ATP9B: variants seen among roughly 807,000 people sequenced by gnomAD.
ATP9B encodes ATPase phospholipid transporting 9B.
ATP9B carries 110 observed loss-of-function variants against 146.1 expected under a neutral mutation model. That is an observed-to-expected ratio of 0.75 (90% CI 0.65 to 0.88). The LOEUF (loss-of-function observed/expected upper bound fraction) is 0.88, where lower values mean the gene tolerates loss of function less well. Ranked by LOEUF, ATP9B falls within the 40% of genes least tolerant of loss-of-function variation. ATP9B has a pLI of 0.00. For synonymous variants in ATP9B, 604 were observed against 569.7 expected, an observed-to-expected ratio of 1.06 and a Z score of -0.86; for missense variants, 1,499 against 1,496.4, an observed-to-expected ratio of 1.00 and a Z score of -0.03.
intron 29 of ATP9B, chr18:79,376,053 TG>T: frequency 5.1e-6 from 5 of 985,134 alleles, no homozygotes; most frequent in Non-Finnish European, 6.0e-6. Flanking sequence ...GAACATTCTC[TG>T]GGTGGGCCGG....
intron 11 of ATP9B, among the ~76,000 whole-genome samples, chr18:79,220,359 G>A (rs1243730530): frequency 2.0e-5 from 3 of 152,102 alleles, no homozygotes; most frequent in Non-Finnish European, 2.9e-5. Context: ...CTAACATTTA[G>A]GGAGGCTGAG....
chr18:79,275,444 T>C (rs767003365), intron 12 of ATP9B, among the ~76,000 whole-genome samples: 5 of 152,252 alleles, frequency 3.3e-5, no homozygotes, highest in Non-Finnish European at 5.9e-5. Context: ...CCTAAACTCA[T>C]GTGGAACAGC....
chr18:79,365,491 C>T (rs1188248153), intron 26 of ATP9B, among the ~76,000 whole-genome samples: 2 of 152,242 alleles, frequency 1.3e-5, no homozygotes, highest in East Asian at 3.8e-4. Context: ...ACCCAGTAGT[C>T]CTGTTCCTAG....
At chr18:79,174,144 C>G in intron 7 of ATP9B, 1 of 411,088 alleles carries the variant, frequency 2.4e-6, no homozygotes, top group Non-Finnish European at 4.8e-6. Context: ...TCTGCTCTAT[C>G]TTTCTGGAAG....
At chr18:79,328,959 T>C (rs1204998000) in intron 15 of ATP9B, among the ~76,000 whole-genome samples, 182 bp from the exon 16 acceptor site, 3 of 152,224 alleles carry the variant, frequency 2.0e-5, no homozygotes, top group Non-Finnish European at 4.4e-5. Context: ...TTGCTTAGGA[T>C]TCCTCTAGAA....
intron 13 of ATP9B, 163 bp downstream of exon 13, chr18:79,277,359 T>C (rs2096323564): frequency 1.3e-6 from 1 of 761,524 alleles, no homozygotes; most frequent in African/African-American, 1.8e-5. Flanking sequence ...CTCTTGAAAC[T>C]GTCACACAGC....
chr18:79,346,298 C>T (rs2096887029), intron 23 of ATP9B, among the ~76,000 whole-genome samples: 1 of 150,166 alleles, frequency 6.7e-6, no homozygotes, highest in South Asian at 2.1e-4. Flanking sequence ...ATGCTCAGCA[C>T]ACACTTGGCA....
intron 11 of ATP9B, among the ~76,000 whole-genome samples, chr18:79,226,652 C>T (rs941995620): frequency 1.3e-5 from 2 of 152,214 alleles, no homozygotes; most frequent in African/African-American, 4.8e-5. Context: ...TCCTTTGCCC[C>T]ATGCTGCTCA....
intron 17 of ATP9B, among the ~76,000 whole-genome samples, chr18:79,330,957 A>G (rs950639100): frequency 6.6e-5 from 10 of 152,258 alleles, no homozygotes; most frequent in African/African-American, 2.2e-4. Context: ...TAATTTGTGC[A>G]TAAGGTTCAC....
intron 1 of ATP9B, among the ~76,000 whole-genome samples, chr18:79,092,832 G>C (rs1174593778): frequency 2.0e-5 from 3 of 151,838 alleles, no homozygotes; most frequent in Non-Finnish European, 4.4e-5. Context: ...TGAAGGACCT[G>C]TCTGAGGCTG....
intron 9 of ATP9B, among the ~76,000 whole-genome samples, chr18:79,202,889 C>A (rs540100842): frequency 6.6e-6 from 1 of 152,178 alleles, no homozygotes; most frequent in Admixed American, 6.5e-5. Context: ...TTATATAGAA[C>A]CTTTTGTTTA....
intron 1 of ATP9B, among the ~76,000 whole-genome samples, chr18:79,074,612 C>T (rs2072379183): frequency 6.6e-6 from 1 of 152,234 alleles, no homozygotes; most frequent in Non-Finnish European, 1.5e-5. Flanking sequence ...CCCCTTACTG[C>T]TACTGCCCAG....
Position 79,345,420 on chromosome 18 carries a change from T to C in ATP9B, c.2473-8T>C. 6.2e-7 allele frequency: 1 copy of C among 1,612,788 alleles called. No individual in the cohort carries two copies. Reference sequence around the variant, plus strand: ...ATAAGGCAAAATAACACAGGCTTTGTTTTCCAGGTTTGTCTAAAGTACTAC... The same window carrying C: ...ATAAGGCAAAATAACACAGGCTTTGCTTTCCAGGTTTGTCTAAAGTACTAC... On this transcript the variant is annotated splice_polypyrimidine_tract_variant and splice_region_variant and intron_variant, in intron 21 of 29. Transcript: ENST00000426216.
At chr18:79,257,537 C>T (rs1202069826) in intron 12 of ATP9B, among the ~76,000 whole-genome samples, 1 of 152,216 alleles carries the variant, frequency 6.6e-6, no homozygotes, top group Non-Finnish European at 1.5e-5. Context: ...TGCAGGGCTT[C>T]AGAGCAATGT....
chr18:79,116,939 TTA>T (rs2094091287), intron 4 of ATP9B, among the ~76,000 whole-genome samples: 3 of 77,978 alleles, frequency 3.8e-5, no homozygotes, highest in Non-Finnish European at 5.1e-5. Context: ...AAAAAAAAAA[TTA>T]AAAAAAAAAA....
At chr18:79,335,246 G>A (rs767886683) in intron 17 of ATP9B, among the ~76,000 whole-genome samples, 6 of 152,152 alleles carry the variant, frequency 3.9e-5, no homozygotes, top group African/African-American at 7.2e-5. Flanking sequence ...ATATGGCAGC[G>A]TCAACCTCGT....
At chr18:79,199,805 C>T (rs1051163982) in intron 9 of ATP9B, among the ~76,000 whole-genome samples, 1 of 151,550 alleles carries the variant, frequency 6.6e-6, no homozygotes, top group African/African-American at 2.4e-5. Flanking sequence ...CACACACACA[C>T]ATTAGCCTAG....
intron 13 of ATP9B, among the ~76,000 whole-genome samples, chr18:79,281,318 G>A (rs557913085): frequency 1.3e-5 from 2 of 152,116 alleles, no homozygotes; most frequent in African/African-American, 4.8e-5. Flanking sequence ...CCAACATGGA[G>A]AAAACCTGTC....
chr18:79,270,254 G>T (rs1033505336), intron 12 of ATP9B, among the ~76,000 whole-genome samples: 1 of 152,054 alleles, frequency 6.6e-6, no homozygotes, highest in South Asian at 2.1e-4. Flanking sequence ...ATTCTTGCGC[G>T]TTCATTTATA....
Sources: allele counts gnomAD v4.1 joint callset (sites outside exome capture counted in the v4.1 genomes callset), GRCh38; gene constraint gnomAD v4.1.1; transcripts MANE v1.5; gene names NCBI Gene and HGNC (gene_info 2026-07-23, HGNC 2026-07-21).